The following PDZRN3 variants were observed in gnomAD, a reference collection of about 807,000 sequenced individuals.
PDZRN3 encodes the protein PDZ domain containing ring finger 3, also known as E3 ubiquitin-protein ligase PDZRN3.
A neutral mutation model predicts 85.7 loss-of-function variants in PDZRN3; 38 were observed. The ratio of observed to expected loss-of-function variants is 0.44; its 90% confidence interval spans 0.34 to 0.58. The LOEUF (loss-of-function observed/expected upper bound fraction) is 0.58, where lower values mean the gene tolerates loss of function less well. Among genes scored for constraint, PDZRN3 ranks in the 20% least tolerant of loss-of-function variants. PDZRN3 has a pLI of 0.01. For synonymous variants in PDZRN3, 759 were observed against 638.0 expected (o/e 1.19, Z -2.86); for missense variants, 1,629 against 1,506.4 (o/e 1.08, Z -1.35).
rs1309910076 is a variant in PDZRN3, at chr3:73,624,398, T to A, written c.428A>T (p.Gln143Leu). The A allele has an allele frequency of 5.4e-6, 7 of 1,305,346 alleles. No individual in the cohort carries two copies. Among genetic ancestry groups the A allele is most frequent in the Non-Finnish European group, 5.8e-6 (6 of 1,032,208 alleles). The allele number at this position is 1,305,346 out of a possible 1,614,324, so 80.9% of individuals were successfully genotyped here. ...ACDARPVGRC[Q>L]EGCGLPLTHG... The stretch of plus-strand genomic sequence containing the variant: ...CGTCAAGGGTAGCCCGCAGCCCTCC[T>A]GGCAGCGGCCCACTGGCCGCGCGTC... The change falls in exon 1 of 10, where the codon CAG becomes CTG. Residue 143 changes from glutamine (Q) to leucine (L), a missense_variant. Transcript: ENST00000263666.
intron 3 of PDZRN3, among the ~76,000 whole-genome samples, chr3:73,461,672 A>T (rs1703106241): frequency 6.6e-6 from 1 of 152,184 alleles, no homozygotes; most frequent in African/African-American, 2.4e-5. Context: ...AAATCTGGAG[A>T]AGTTAAGCCA....
chr3:73,408,118 C>T, intron 3 of PDZRN3: 1 of 702,680 alleles, frequency 1.4e-6, no homozygotes, highest in East Asian at 2.7e-5. Flanking sequence ...CAAATAAGCC[C>T]CTCCACAAGC....
intron 3 of PDZRN3, among the ~76,000 whole-genome samples, chr3:73,430,021 A>G (rs1702399218): frequency 6.6e-6 from 1 of 152,208 alleles, no homozygotes; most frequent in Admixed American, 6.5e-5. Context: ...GGTTCCCTAT[A>G]AAGTTGATCA....
intron 3 of PDZRN3, among the ~76,000 whole-genome samples, chr3:73,560,104 A>G (rs1403538767): frequency 3.9e-5 from 6 of 152,230 alleles, no homozygotes; most frequent in Admixed American, 6.5e-5. Flanking sequence ...GAGAACCAAC[A>G]ATCTGTAGGT....
chr3:73,535,279 A>G (rs887176673), intron 3 of PDZRN3, among the ~76,000 whole-genome samples: 26 of 152,326 alleles, frequency 1.7e-4, no homozygotes, highest in Non-Finnish European at 2.4e-4. Context: ...TTATTGCAGC[A>G]GGGCTTACTC....
intron 3 of PDZRN3, among the ~76,000 whole-genome samples, chr3:73,570,680 C>T (rs967043180): frequency 1.3e-5 from 2 of 152,222 alleles, no homozygotes; most frequent in South Asian, 4.1e-4. Flanking sequence ...GGGAGCAGAG[C>T]CTTCCCATCT....
intron 3 of PDZRN3, among the ~76,000 whole-genome samples, chr3:73,488,682 T>A (rs986433088): frequency 1.3e-5 from 2 of 152,238 alleles, no homozygotes; most frequent in African/African-American, 2.4e-5. Flanking sequence ...CATCTTCCTA[T>A]CTTTCTATTA....
intron 3 of PDZRN3, among the ~76,000 whole-genome samples, chr3:73,597,119 A>C (rs1355808981): frequency 1.3e-5 from 2 of 152,174 alleles, no homozygotes; most frequent in Non-Finnish European, 2.9e-5. Flanking sequence ...TTTATTTTTA[A>C]ATAAATACTC....
At chr3:73,476,899 C>G (rs1056757258) in intron 3 of PDZRN3, among the ~76,000 whole-genome samples, 11 of 152,126 alleles carry the variant, frequency 7.2e-5, no homozygotes, top group African/African-American at 2.7e-4. Context: ...ATGGGACTAC[C>G]CAGCTAAGTG....
intron 3 of PDZRN3, among the ~76,000 whole-genome samples, chr3:73,450,949 A>G (rs985562384): frequency 7.3e-5 from 11 of 151,680 alleles, no homozygotes; most frequent in Admixed American, 6.6e-5. Flanking sequence ...AAAAGCTGGC[A>G]CATCTCAAAT....
At chr3:73,557,277 G>GA (rs1456244386) in intron 3 of PDZRN3, among the ~76,000 whole-genome samples, 2 of 152,058 alleles carry the variant, frequency 1.3e-5, no homozygotes, top group Non-Finnish European at 2.9e-5. Context: ...CTTTAAAAAA[G>GA]AAAAAACACA....
Position 73,569,381 on chromosome 3 carries a change from C to T in PDZRN3, c.918+32973G>A, listed in dbSNP as rs535075127. On this transcript the variant is annotated intron_variant, in intron 3 of 9. Coordinates refer to ENST00000263666, the MANE Select transcript of PDZRN3 (RefSeq NM_015009.3). ...GAGGAGGCTGGGAGGGAGGGGGCCA[C>T]ATGTGTGCCGCATACCTGTACAAGA... The T allele has an allele frequency of 2.5e-6, 3 of 1,200,412 alleles. No individual in the cohort carries two copies. In the African/African-American group the frequency reaches 4.8e-5, roughly 19 times the overall value. The allele number at this position is 1,200,412 out of a possible 1,614,324, so 74.4% of individuals were successfully genotyped here.
intron 3 of PDZRN3, among the ~76,000 whole-genome samples, chr3:73,479,777 C>G (rs6805077): frequency 6.6e-6 from 1 of 151,926 alleles, no homozygotes. Context: ...ACTCCCCTTT[C>G]ACAAATGTGG....
In PDZRN3 at chr3:73,526,832, C is replaced by T. The variant is rs867604692; in HGVS notation, c.918+75522G>A. ...CCTCCCAAGTAGCTGGGACTATAGG[C>T]GTCTGCCACCATGCCCAGCTACTTT... On this transcript the variant is annotated intron_variant, in intron 3 of 9. Coordinates refer to ENST00000263666, the MANE Select transcript of PDZRN3 (RefSeq NM_015009.3). Among the ~76,000 whole-genome samples the T allele has an allele frequency of 7.2e-5, 11 of 152,048 alleles. 1 individual carries two copies. The South Asian group carries it at 1.9e-3, about 26-fold the overall frequency.
intron 3 of PDZRN3, 106 bp from the exon 4 acceptor site, chr3:73,404,501 G>A (rs1222530604): frequency 1.6e-6 from 2 of 1,233,992 alleles, no homozygotes; most frequent in Non-Finnish European, 1.1e-6. Context: ...AAAGAAAGAA[G>A]CAGGTGGTGG....
intron 3 of PDZRN3, among the ~76,000 whole-genome samples, chr3:73,473,307 C>T (rs1338244911): frequency 6.6e-6 from 1 of 151,950 alleles, no homozygotes; most frequent in Non-Finnish European, 1.5e-5. Flanking sequence ...TCTGCAAATT[C>T]TACCATTAGC....
chr3:73,498,070 G>C (rs1207521085), intron 3 of PDZRN3, among the ~76,000 whole-genome samples: 1 of 152,162 alleles, frequency 6.6e-6, no homozygotes, highest in African/African-American at 2.4e-5. Context: ...CGCCAGAGAA[G>C]GTAAGGCCAC....
intron 3 of PDZRN3, among the ~76,000 whole-genome samples, chr3:73,485,349 T>C (rs1703643974): frequency 6.6e-6 from 1 of 150,448 alleles, no homozygotes; most frequent in Admixed American, 6.6e-5. Flanking sequence ...AATATTTTAA[T>C]AGCATCATCG....
intron 3 of PDZRN3, among the ~76,000 whole-genome samples, chr3:73,583,134 T>G (rs1434734924): frequency 6.6e-6 from 1 of 152,198 alleles, no homozygotes. Flanking sequence ...TAAGATTTAT[T>G]AATTCATTTA....
Sources: allele counts gnomAD v4.1 joint callset (sites outside exome capture counted in the v4.1 genomes callset), GRCh38; gene constraint gnomAD v4.1.1; transcripts MANE v1.5; gene names NCBI Gene and HGNC (gene_info 2026-07-23, HGNC 2026-07-21).